SLC5A6: variants seen among roughly 807,000 people sequenced by gnomAD.
SLC5A6 encodes the protein solute carrier family 5 member 6.
A neutral mutation model predicts 67.9 loss-of-function variants in SLC5A6; 31 were observed. That is an observed-to-expected ratio of 0.46 (90% CI 0.34 to 0.62). SLC5A6 has a LOEUF of 0.62. Among genes scored for constraint, SLC5A6 ranks in the 20% least tolerant of loss-of-function variants. The probability of loss-of-function intolerance (pLI) is 0.01; values close to 1 mark genes in which losing one functional copy is unlikely to be tolerated. For missense variants in SLC5A6, 673 were observed against 812.8 expected, an observed-to-expected ratio of 0.83 and a Z score of 2.09; for synonymous variants, 343 against 331.0, an observed-to-expected ratio of 1.04 and a Z score of -0.39.
rs753027382 is a variant in SLC5A6 at position 27,212,199 on chromosome 2, G to A, written c.-387C>T. The A allele has an allele frequency of 5.1e-6, 8 of 1,553,494 alleles. No individual in the cohort carries two copies. Among genetic ancestry groups the A allele is most frequent in the African/African-American group, 4.1e-5 (3 of 73,354 alleles). ...GCCAGTATCCCCGAAAGAGGGCTAGGGCGCATGAAGACCAGCGCAGAGCTC... is the reference window on the plus strand; with the variant it reads ...GCCAGTATCCCCGAAAGAGGGCTAGAGCGCATGAAGACCAGCGCAGAGCTC... On this transcript the variant is annotated 5_prime_UTR_variant, in exon 1 of 17. Coordinates refer to ENST00000310574, the MANE Select transcript of SLC5A6 (RefSeq NM_021095.4).
Position 27,212,232 on chromosome 2 carries a change from A to G in SLC5A6, c.-420T>C, listed in dbSNP as rs753882664. On this transcript the variant is annotated 5_prime_UTR_variant, in exon 1 of 17. Transcript: ENST00000310574. ...AAGACCAGCGCAGAGCTCCACGAGC[A>G]GGAAAAGCCCCCAAGCAGCCCCAGG... 6.4e-7 allele frequency: 1 copy of G among 1,561,268 alleles called. No individual in the cohort carries two copies. The highest frequency in any genetic ancestry group is 1.2e-5 in the South Asian group (1 of 84,910).
Position 27,203,790 on chromosome 2 carries a change from G to A in SLC5A6, c.1083C>T (p.Ser361=), listed in dbSNP as rs367802246. The A allele has an allele frequency of 2.5e-5, 41 of 1,612,698 alleles. No homozygotes were observed. The highest frequency in any genetic ancestry group is 1.1e-4 in the East Asian group (5 of 44,882). The change falls in exon 10 of 17, where the codon AGC becomes AGT. Residue 361 remains serine, a synonymous_variant. Transcript: ENST00000310574. Reference sequence around the variant, plus strand: ...GTTAAAGTGGGTACCTGAGAGAGCCGCTGAAGAGGCAGGCAATGAAGAGCC... The same window carrying A: ...GTTAAAGTGGGTACCTGAGAGAGCCACTGAAGAGGCAGGCAATGAAGAGCC... ...LPGLFIACLF[S]GSLSTISSAF...
At position 27,207,917 on chromosome 2, in the gene SLC5A6, G is replaced by C. The variant is rs1241044135; in HGVS notation, c.-140-127C>G. ...AGTGGTAGCCCTTCAAGGTCTAGAG[G>C]CCCTGGTATGGGTTTGGTAGGGGAC... On this transcript the variant is annotated intron_variant, in intron 2 of 16. Coordinates refer to ENST00000310574, the MANE Select transcript of SLC5A6 (RefSeq NM_021095.4). The surrounding 1 kb of genome is among the most constrained non-coding windows in gnomAD (Gnocchi z 5.5). 2 of 499,482 alleles carry C rather than the reference G, an allele frequency of 4.0e-6. No homozygotes were observed. Among genetic ancestry groups the C allele is most frequent in the Middle Eastern group, 5.2e-4 (1 of 1,926 alleles). The allele number at this position is 499,482 out of a possible 1,614,324, so 30.9% of individuals were successfully genotyped here.
In SLC5A6 at chr2:27,206,019, C is replaced by T. The variant is rs772830987; in HGVS notation, c.579+7G>A. 10 of 1,610,584 alleles carry T rather than the reference C, an allele frequency of 6.2e-6. No individual in the cohort carries two copies. Among genetic ancestry groups the T allele is most frequent in the Admixed American group, 3.3e-5 (2 of 59,972 alleles). ...CCCCTCCCCACACCACGGCTTACTGCACTTACCAGAGCTGTATAGACGGTA... is the reference window on the plus strand; with the variant it reads ...CCCCTCCCCACACCACGGCTTACTGTACTTACCAGAGCTGTATAGACGGTA... On this transcript the variant is annotated splice_region_variant and intron_variant, in intron 6 of 16. Coordinates refer to ENST00000310574, the MANE Select transcript of SLC5A6 (RefSeq NM_021095.4).
In SLC5A6 at chr2:27,212,185, C is replaced by T; in HGVS notation, c.-373G>A. 6.5e-7 allele frequency: 1 copy of T among 1,542,900 alleles called. No individual in the cohort carries two copies. Among genetic ancestry groups the T allele is most frequent in the South Asian group, 1.2e-5 (1 of 83,016 alleles). On this transcript the variant is annotated 5_prime_UTR_variant, in exon 1 of 17. Transcript: ENST00000310574. ...GGAAGAGGGGGTCGGCCAGTATCCCCGAAAGAGGGCTAGGGCGCATGAAGA... is the reference window on the plus strand; with the variant it reads ...GGAAGAGGGGGTCGGCCAGTATCCCTGAAAGAGGGCTAGGGCGCATGAAGA...
intron 12 of SLC5A6, 111 bp from the exon 13 acceptor site, chr2:27,202,185 C>G (rs962412332): frequency 1.3e-6 from 1 of 775,524 alleles, no homozygotes; most frequent in Non-Finnish European, 2.3e-6. Flanking sequence ...CTTGTCAGAT[C>G]TGTCTCTTCT....
chr2:27,204,198 T>C (rs918117130), intron 9 of SLC5A6, among the ~76,000 whole-genome samples: 5 of 152,120 alleles, frequency 3.3e-5, no homozygotes, highest in African/African-American at 1.2e-4. Flanking sequence ...AGGTATGTGA[T>C]AGCTCCCAGC....
Position 27,202,806 on chromosome 2 carries a change from T to C in SLC5A6, c.1275+7A>G. On this transcript the variant is annotated splice_region_variant and intron_variant, in intron 12 of 16. Coordinates refer to ENST00000310574, the MANE Select transcript of SLC5A6 (RefSeq NM_021095.4). ...TAAAATTGCTTCCTACCCTCTATAG[T>C]TATTACCTGCAGCACAGGTCCCATC... 1.2e-6 allele frequency: 2 copies of C among 1,612,540 alleles called. No individual in the cohort carries two copies. The highest frequency in any genetic ancestry group is 1.7e-6 in the Non-Finnish European group (2 of 1,178,630).
intron 6 of SLC5A6, 35 bp from the exon 7 acceptor site, chr2:27,205,539 C>T (rs1397709376): frequency 3.1e-6 from 5 of 1,611,562 alleles, no homozygotes; most frequent in Non-Finnish European, 4.2e-6. Context: ...GCCACAGAGG[C>T]CTTCTAAACC....
At chr2:27,204,127 TA>T (rs1673867664) in intron 9 of SLC5A6, among the ~76,000 whole-genome samples, 2 of 152,306 alleles carry the variant, frequency 1.3e-5, no homozygotes, top group South Asian at 4.1e-4. Context: ...GCTTACTGGC[TA>T]CCTCATTGAG....
chr2:27,208,462 T>G (rs1291038000), intron 2 of SLC5A6: 1 of 150,918 alleles, frequency 6.6e-6, no homozygotes, highest in Non-Finnish European at 1.5e-5. Context: ...GATTCAAAAG[T>G]GAGAGGGGAA....
rs1674134859 is a variant in SLC5A6 at position 27,207,134 on chromosome 2, A to G, written c.393+124T>C. ...ACTGAGAAAGAATTATAAACACACA[A>G]TGAGTTTTCTGTCCCTCTCATTAGG... On this transcript the variant is annotated intron_variant, in intron 3 of 16. Transcript: ENST00000310574. The surrounding 1 kb of genome is among the most constrained non-coding windows in gnomAD (Gnocchi z 5.5). 5 of 1,136,276 alleles carry G rather than the reference A, an allele frequency of 4.4e-6. No homozygotes were observed. The Admixed American group carries it at 5.9e-5, about 13-fold the overall frequency. 70.4% of individuals were successfully genotyped at this position (1,136,276 alleles called of 1,614,324 possible).
At chr2:27,211,996 C>A (rs996044217) in intron 1 of SLC5A6, 24 bp downstream of exon 1, 1 of 640,948 alleles carries the variant, frequency 1.6e-6, no homozygotes, top group Non-Finnish European at 2.4e-6. Flanking sequence ...CTGCCCGCCC[C>A]GCTCGCCGTG....
chr2:27,201,735 C>G lies in SLC5A6; in HGVS notation c.1475G>C (p.Ser492Thr). The G allele has an allele frequency of 6.2e-7, 1 of 1,614,160 alleles. No individual in the cohort carries two copies. The highest frequency in any genetic ancestry group is 1.1e-5 in the South Asian group (1 of 91,078). ...GGTTAGATTGGTGGGCAGGGAGAAG[C>G]TGGACCCATTAGAGGGAGAGGGTGG... is the stretch of plus-strand genomic sequence containing the variant. ...SMPPSPSNGS[S>T]FSLPTNLTVA... The change falls in exon 14 of 17, where the codon AGC becomes ACC. Residue 492 changes from serine (S) to threonine (T), a missense_variant. Transcript: ENST00000310574.
At chr2:27,212,724 C>A (rs1034641410), upstream of SLC5A6, 27 of 1,157,302 alleles carry the variant, frequency 2.3e-5, no homozygotes, top group Admixed American at 9.8e-4. Flanking sequence ...TAAGTTCTTT[C>A]TACAGACGGG....
Position 27,202,013 on chromosome 2 carries a change from A to T in SLC5A6, c.1337T>A (p.Met446Lys). The change falls in exon 13 of 17, where the codon ATG becomes AAG. Residue 446 changes from methionine (M) to lysine (K), a missense_variant. Met to Lys is a moderately conservative substitution (Grantham distance 95, BLOSUM62 -1). Transcript: ENST00000310574. ...AGGAGGGTTAGCACATGGAAAGAAC[A>T]TTCCAAGGCAGAAGAGTCCCAGCAG... ...GPLLGLFCLG[M>K]FFPCANPPGA... 2 of 1,614,128 alleles carry T rather than the reference A, an allele frequency of 1.2e-6. No individual in the cohort carries two copies. Among genetic ancestry groups the T allele is most frequent in the Non-Finnish European group, 1.7e-6 (2 of 1,179,958 alleles).
At chr2:27,206,344 C>T (rs1674063083) in intron 5 of SLC5A6, 139 bp downstream of exon 5, 2 of 819,536 alleles carry the variant, frequency 2.4e-6, no homozygotes, top group Admixed American at 4.4e-5. Context: ...TGGTAGAGAC[C>T]CACCCAAGGG....
chr2:27,206,567 G>A (rs774269247), intron 4 of SLC5A6, 33 bp from the exon 5 acceptor site: 145 of 1,595,900 alleles, frequency 9.1e-5, no homozygotes, highest in South Asian at 5.7e-4. Flanking sequence ...GATGGGGGCC[G>A]GAGAATGGTG....
At chr2:27,203,458 ACCT>A in intron 10 of SLC5A6, 113 bp from the exon 11 acceptor site, 3 of 908,028 alleles carry the variant, frequency 3.3e-6, no homozygotes, top group Non-Finnish European at 5.1e-6. Flanking sequence ...CCACCAAGAA[ACCT>A]CCTCATAGTT....
Sources: allele counts gnomAD v4.1 joint callset (sites outside exome capture counted in the v4.1 genomes callset), GRCh38; gene constraint gnomAD v4.1.1; non-coding constraint Gnocchi (gnomAD v3.1); transcripts MANE v1.5; gene names NCBI Gene and HGNC (gene_info 2026-07-23, HGNC 2026-07-21).